The following CRTC1 variants were observed in gnomAD, a reference collection of about 807,000 sequenced individuals.
CRTC1 encodes CREB regulated transcription coactivator 1, also known as CREB-regulated transcription coactivator 1.
In CRTC1, 18 loss-of-function variants were observed where a neutral mutation model predicts 66.1. The ratio of observed to expected loss-of-function variants is 0.27; its 90% CI spans 0.19 to 0.40. The LOEUF (loss-of-function observed/expected upper bound fraction) is 0.40. CRTC1 is among the 10% of genes least tolerant of loss of function. The pLI, the probability that CRTC1 is intolerant of heterozygous loss-of-function variation, is 1.00. For missense variants in CRTC1, 669 were observed against 887.9 expected, an observed-to-expected ratio of 0.75 and a Z score of 3.13; for synonymous variants, 416 against 398.8, an observed-to-expected ratio of 1.04 and a Z score of -0.51.
intron 4 of CRTC1, among the ~76,000 whole-genome samples, chr19:18,748,402 A>C (rs1395972073): frequency 1.0e-5 from 1 of 98,672 alleles, no homozygotes; most frequent in African/African-American, 4.1e-5. Context: ...TTTTTTTTGG[A>C]GAGACAAGAT....
rs778859970 is a variant in CRTC1 at position 18,768,745 on chromosome 19, C to G, written c.1272C>G (p.Ser424=). ...CGGTACCGTCCTCTCTCCCCCAGTC[C>G]CCCCCAGAGAACCCTGGCCAGCCAT... ...AVTVPSSLPQ[S]PPENPGQPSM... The change falls in exon 10 of 14, where the codon TCC becomes TCG. Residue 424 remains serine, a synonymous_variant. Transcript: ENST00000321949. This position sits in a 1 kb window ranked among gnomAD's most constrained non-coding sequence, Gnocchi z 5.6. 3 of 1,600,926 alleles carry G rather than the reference C, an allele frequency of 1.9e-6. No homozygotes were observed. The highest frequency in any genetic ancestry group is 3.4e-5 in the Admixed American group (2 of 59,202).
chr19:18,754,284 G>T (rs996786708), intron 6 of CRTC1, among the ~76,000 whole-genome samples: 2 of 152,098 alleles, frequency 1.3e-5, no homozygotes, highest in African/African-American at 4.8e-5. Context: ...TTCGGAGGAG[G>T]CTGAGGTGGG....
chr19:18,689,095 G>GC (rs2052759880), intron 1 of CRTC1, among the ~76,000 whole-genome samples: 1 of 151,956 alleles, frequency 6.6e-6, no homozygotes, highest in Non-Finnish European at 1.5e-5. Context: ...ACAGGCAGGT[G>GC]CCACCACACC....
intron 6 of CRTC1, among the ~76,000 whole-genome samples, chr19:18,757,061 G>A (rs1776018730): frequency 6.6e-6 from 1 of 152,222 alleles, no homozygotes; most frequent in African/African-American, 2.4e-5. Context: ...CCCCCTCACG[G>A]TGTGTGCATT....
rs1244964549 is a variant in CRTC1, at chr19:18,766,620, AAAT to A, written c.1011+1100_1011+1102del. On this transcript the variant is annotated intron_variant, in intron 9 of 13. Coordinates refer to ENST00000321949, the MANE Select transcript of CRTC1 (RefSeq NM_015321.3). ...GCCACCACGCCTGGCTAATTAAAAAAAATAATAATAGAGATGGGGTTTTGCCAT... is the reference window on the plus strand; with the variant it reads ...GCCACCACGCCTGGCTAATTAAAAAAAATAATAGAGATGGGGTTTTGCCAT... Among the ~76,000 whole-genome samples, 4 of 148,044 alleles carry A rather than the reference AAAT, an allele frequency of 2.7e-5. No homozygotes were observed. The East Asian group carries it at 8.2e-4, about 30-fold the overall frequency.
chr19:18,708,177 A>C (rs2053307888), intron 1 of CRTC1, among the ~76,000 whole-genome samples: 1 of 152,186 alleles, frequency 6.6e-6, no homozygotes, highest in Non-Finnish European at 1.5e-5. Context: ...TACAGGAGGC[A>C]GGGAAGGAGG....
Position 18,777,147 on chromosome 19 carries a change from T to A in CRTC1, c.1694-24T>A. On this transcript the variant is annotated intron_variant, in intron 13 of 13. Transcript: ENST00000321949. This position sits in a 1 kb window ranked among gnomAD's most constrained non-coding sequence, Gnocchi z 5.5. ...GATGGAGCCAGGGCTAAGCAGTGCC[T>A]TTTGTCCCCACCCCATCCCCCAGTG... 7.6e-7 allele frequency: 1 copy of A among 1,321,404 alleles called. No individual in the cohort carries two copies. Among genetic ancestry groups the A allele is most frequent in the Non-Finnish European group, 1.1e-6 (1 of 920,516 alleles). The allele number at this position is 1,321,404 out of a possible 1,614,324, so 81.9% of individuals were successfully genotyped here.
chr19:18,775,722 G>A lies in CRTC1; in HGVS notation c.1594G>A (p.Ala532Thr). 12 of 1,612,730 alleles carry A rather than the reference G, an allele frequency of 7.4e-6. No individual in the cohort carries two copies. The highest frequency in any genetic ancestry group is 7.6e-6 in the Non-Finnish European group (9 of 1,179,844). ...GGGCTCCACACTCAACTACTCGCAG[G>A]CGGCCATGATGGGCCTCACGGGCAG... ...SPGSTLNYSQ[A>T]AMMGLTGSHG... is the part of the protein sequence containing the mutation. Residue 532 changes from alanine (A) to threonine (T), a missense_variant, in exon 13 of 14, where the codon GCG becomes ACG. Around this residue, in one of 8 missense-constraint regions of CRTC1, gnomAD observed 79 missense variants for 100.1 expected, o/e 0.79. Coordinates refer to ENST00000321949, the MANE Select transcript of CRTC1 (RefSeq NM_015321.3).
rs1378633037 is a variant in CRTC1 at position 18,754,518 on chromosome 19, G to GA, written c.624+942dup. Among the ~76,000 whole-genome samples, 614 of 151,300 alleles carry GA rather than the reference G, an allele frequency of 4.1e-3. 10 individuals are homozygous for GA. Among genetic ancestry groups the GA allele is most frequent in the African/African-American group, 0.014 (583 of 41,278 alleles). On this transcript the variant is annotated intron_variant, in intron 6 of 13. Transcript: ENST00000321949. ...ATAGAGCAAGACCCCTTCTGGTGGG[G>GA]AAAAAAAAATATTTGCTCCAATAAT...
chr19:18,713,462 C>G (rs1382024059), intron 1 of CRTC1, among the ~76,000 whole-genome samples: 1 of 148,182 alleles, frequency 6.7e-6, no homozygotes, highest in African/African-American at 2.5e-5. Context: ...GAGTAGTGGC[C>G]GGGCTGTCTT....
At chr19:18,775,580 G>A in intron 12 of CRTC1, 61 bp from the exon 13 acceptor site, 3 of 1,417,830 alleles carry the variant, frequency 2.1e-6, no homozygotes, top group South Asian at 2.8e-5. Flanking sequence ...CCAAGGGCTT[G>A]GGGTGGCCAG....
intron 11 of CRTC1, among the ~76,000 whole-genome samples, chr19:18,772,542 A>G (rs2054893139): frequency 6.6e-6 from 1 of 152,180 alleles, no homozygotes; most frequent in African/African-American, 2.4e-5. Context: ...TCCCAGCTAG[A>G]TAAAAGAGTC....
intron 1 of CRTC1, among the ~76,000 whole-genome samples, chr19:18,711,842 CT>C (rs1004776072): frequency 6.6e-6 from 1 of 152,246 alleles, no homozygotes; most frequent in African/African-American, 2.4e-5. Context: ...GGGTGGTCTA[CT>C]TTGGGCCCCT....
intron 1 of CRTC1, among the ~76,000 whole-genome samples, chr19:18,693,440 GCAAT>G (rs2145487655): frequency 6.7e-6 from 1 of 148,920 alleles, no homozygotes; most frequent in South Asian, 2.1e-4. Context: ...CACCAAATGT[GCAAT>G]CAAGACAGGT....
At position 18,760,548 on chromosome 19, in the gene CRTC1, G is replaced by A. The variant is rs913783322; in HGVS notation, c.886+320G>A. On this transcript the variant is annotated intron_variant, in intron 8 of 13. Coordinates refer to ENST00000321949, the MANE Select transcript of CRTC1 (RefSeq NM_015321.3). The surrounding 1 kb of genome is among the most constrained non-coding windows in gnomAD (Gnocchi z 6.2). The stretch of plus-strand genomic sequence containing the variant: ...CTGGGGTGGGCCAGGCCTTCCCTCC[G>A]CCCCTCCTCGACCCCAGCCCCTCAT... Among the ~76,000 whole-genome samples, 4 of 151,832 alleles carry A rather than the reference G, an allele frequency of 2.6e-5. No individual in the cohort carries two copies. Among genetic ancestry groups the A allele is most frequent in the Admixed American group, 6.6e-5 (1 of 15,242 alleles).
intron 11 of CRTC1, among the ~76,000 whole-genome samples, chr19:18,772,151 C>T (rs1037510117): frequency 6.6e-6 from 1 of 152,146 alleles, no homozygotes; most frequent in Non-Finnish European, 1.5e-5. Flanking sequence ...GCACCCAGCA[C>T]CGTAGGACCC....
At chr19:18,746,845 TGTACCCCTGGA>T (rs2054250354) in intron 3 of CRTC1, among the ~76,000 whole-genome samples, 197 bp from the exon 4 acceptor site, 1 of 152,166 alleles carries the variant, frequency 6.6e-6, no homozygotes, top group Non-Finnish European at 1.5e-5. Context: ...TGGACAGGGC[TGTACCCCTGGA>T]GAGCCCCTGG....
intron 1 of CRTC1, among the ~76,000 whole-genome samples, chr19:18,703,323 G>A (rs577857941): frequency 1.3e-4 from 20 of 152,140 alleles, no homozygotes; most frequent in South Asian, 2.1e-4. Flanking sequence ...GTGAGCCACC[G>A]CTCCTGGCCC....
rs775103713 is a variant in CRTC1, at chr19:18,768,771, C to T, written c.1298C>T (p.Ser433Leu). The T allele has an allele frequency of 1.9e-6, 3 of 1,601,946 alleles. No homozygotes were observed. The highest frequency in any genetic ancestry group is 2.3e-5 in the East Asian group (1 of 44,382). ...QSPPENPGQP[S>L]MGIDIASAPA... Reference sequence around the variant, plus strand: ...CCCCCAGAGAACCCTGGCCAGCCATCGATGGGGATCGACATCGCCTCGGTA... The same window carrying T: ...CCCCCAGAGAACCCTGGCCAGCCATTGATGGGGATCGACATCGCCTCGGTA... Residue 433 changes from serine to leucine, a missense_variant, in exon 10 of 14, where the codon TCG (serine) becomes TTG (leucine). Physicochemically the swap from Ser to Leu is moderately radical, Grantham distance 145 (BLOSUM62 -2). Coordinates refer to ENST00000321949, the MANE Select transcript of CRTC1 (RefSeq NM_015321.3). The surrounding 1 kb of genome is among the most constrained non-coding windows in gnomAD (Gnocchi z 5.6).
Sources: gnomAD v4.1 joint callset for allele counts (sites outside exome capture counted in the v4.1 genomes callset) on GRCh38, gnomAD v4.1.1 for gene constraint, gnomAD v4.1.1 regional missense constraint, Gnocchi (gnomAD v3.1) non-coding constraint, MANE v1.5 for transcripts, NCBI Gene and HGNC (gene_info 2026-07-23, HGNC 2026-07-21) for gene names.